The following CNKSR2 variants were observed in gnomAD, a reference collection of about 807,000 sequenced individuals.
The protein encoded by CNKSR2 is connector enhancer of kinase suppressor of Ras 2, also known as CNK homolog protein 2.
A neutral mutation model predicts 84.4 loss-of-function variants in CNKSR2; 14 were observed. The ratio of observed to expected loss-of-function variants is 0.17; its 90% confidence interval spans 0.11 to 0.26. CNKSR2 has a LOEUF of 0.26. Ranked by LOEUF, CNKSR2 falls within the 10% of genes least tolerant of loss-of-function variation. The pLI is 1.00. For missense variants in CNKSR2, 485 were observed against 771.2 expected, an observed-to-expected ratio of 0.63 and a Z score of 4.40; for synonymous variants, 275 against 277.9, an observed-to-expected ratio of 0.99 and a Z score of 0.10.
At chrX:21,566,307 G>C (rs1339193567) in intron 13 of CNKSR2, among the ~76,000 whole-genome samples, 2 of 112,045 alleles carry the variant, frequency 1.8e-5, no homozygotes, top group South Asian at 7.4e-4. Flanking sequence ...ACAATGCTTG[G>C]ACCTTGGAGA....
intron 21 of CNKSR2, among the ~76,000 whole-genome samples, chrX:21,649,909 A>C (rs1435411504): frequency 1.8e-5 from 2 of 112,508 alleles, no homozygotes. Context: ...GGCGATCATT[A>C]AAAAGTCAGG....
chrX:21,617,886 C>G (rs1216650253), intron 20 of CNKSR2, among the ~76,000 whole-genome samples: 1 of 102,084 alleles, frequency 9.8e-6, no homozygotes, highest in African/African-American at 3.6e-5. Context: ...CACACTCACT[C>G]ATACACTGCC....
At chrX:21,642,442 A>T in intron 20 of CNKSR2, 1 of 748,806 alleles carries the variant, frequency 1.3e-6, no homozygotes, top group Non-Finnish European at 1.6e-6. Flanking sequence ...ATGTCTTTCA[A>T]ACTAGCTTCA....
intron 1 of CNKSR2, among the ~76,000 whole-genome samples, chrX:21,389,478 A>T (rs1378299312): frequency 8.9e-6 from 1 of 111,813 alleles, no homozygotes; most frequent in Non-Finnish European, 1.9e-5. Flanking sequence ...TTGTTCAAAT[A>T]AAAAAGTTAC....
chrX:21,488,995 A>C (rs776132107), intron 5 of CNKSR2, among the ~76,000 whole-genome samples: 12 of 111,480 alleles, frequency 1.1e-4, no homozygotes, highest in African/African-American at 3.9e-4. Flanking sequence ...CTCTTTGTTT[A>C]TATAAAAATG....
At chrX:21,472,628 TAGTTCC>T (rs1384620479) in intron 5 of CNKSR2, among the ~76,000 whole-genome samples, 18 of 111,741 alleles carry the variant, frequency 1.6e-4, no homozygotes, top group African/African-American at 5.9e-4. Flanking sequence ...TATGGAGGAA[TAGTTCC>T]AGTTACAAAT....
intron 13 of CNKSR2, among the ~76,000 whole-genome samples, chrX:21,584,899 G>A (rs1383439591): frequency 9.0e-6 from 1 of 110,701 alleles, no homozygotes; most frequent in Non-Finnish European, 1.9e-5. Context: ...ATATAGGAAT[G>A]GCATGATTTA....
At position 21,396,153 on chromosome X, in the gene CNKSR2, C is replaced by G. The variant is rs768732456; in HGVS notation, c.64+21192C>G. ...CCTCTTGGAGAGTCTTAACTATTCA[C>G]ACTGTCTTCTCTGCCTGCCCCTTGG... On this transcript the variant is annotated intron_variant, in intron 1 of 21. Transcript: ENST00000379510. Among the ~76,000 whole-genome samples, 10 of 111,513 alleles carry G rather than the reference C, an allele frequency of 9.0e-5. No homozygotes were observed. In the South Asian group the frequency reaches 3.8e-3, roughly 42 times the overall value.
chrX:21,539,602 G>A (rs973156173), intron 11 of CNKSR2, among the ~76,000 whole-genome samples: 1 of 110,337 alleles, frequency 9.1e-6, no homozygotes, highest in African/African-American at 3.3e-5. Flanking sequence ...ATTGATATCT[G>A]TGCATCTGGT....
chrX:21,488,884 GC>G (rs2091413836), intron 5 of CNKSR2, among the ~76,000 whole-genome samples: 1 of 110,546 alleles, frequency 9.0e-6, no homozygotes, highest in Admixed American at 9.6e-5. Context: ...CTCACAATTT[GC>G]CCACAAGGAA....
rs1381219112 is a variant in CNKSR2 at position 21,590,553 on chromosome X, T to C, written c.1609-19T>C. On this transcript the variant is annotated intron_variant, in intron 13 of 21. Transcript: ENST00000379510. ...ACACCCTGAGTATCAGATAACATTC[T>C]TTTTATCTTTGATTTCAGACATTTC... 8.3e-7 allele frequency: 1 copy of C among 1,200,344 alleles called. No homozygotes were observed. The highest frequency in any genetic ancestry group is 1.1e-6 in the Non-Finnish European group (1 of 886,840).
chrX:21,388,827 T>G (rs1299152658), intron 1 of CNKSR2, among the ~76,000 whole-genome samples: 1 of 110,830 alleles, frequency 9.0e-6, no homozygotes, highest in Non-Finnish European at 1.9e-5. Flanking sequence ...GTGACTTGTT[T>G]CCAGAGAGTA....
chrX:21,652,621 T>C lies in CNKSR2; in HGVS notation c.*100T>C. Reference sequence around the variant, plus strand: ...GTGTGGAACACTTGACAAGCTATACTTTAATGTTACCAAACTATATGAAAC... The same window carrying C: ...GTGTGGAACACTTGACAAGCTATACCTTAATGTTACCAAACTATATGAAAC... On this transcript the variant is annotated 3_prime_UTR_variant, in exon 22 of 22. Transcript: ENST00000379510. 1 of 603,763 alleles carries C rather than the reference T, an allele frequency of 1.7e-6. No homozygotes were observed. Among genetic ancestry groups the C allele is most frequent in the East Asian group, 3.4e-5 (1 of 29,444 alleles). 49.8% of individuals were successfully genotyped at this position (603,763 alleles called of 1,213,427 possible). A position where few individuals can be genotyped will look rare whatever the true frequency, so the allele number is the denominator to read the frequency against.
rs781721463 is a variant in CNKSR2, at chrX:21,531,856, G to A, written c.1092G>A (p.Arg364=). 1 of 1,186,573 alleles carries A rather than the reference G, an allele frequency of 8.4e-7. No individual in the cohort carries two copies. The highest frequency in any genetic ancestry group is 1.1e-6 in the Non-Finnish European group (1 of 875,208). ...PPPPAEPYIP[R]DEKGNLPCED... is the part of the protein sequence containing the mutation. Reference sequence around the variant, plus strand: ...CTCCTTTACTCTAACCTTTCTTTAGGGATGAAAAAGGAAACCTTCCTTGTG... The same window carrying A: ...CTCCTTTACTCTAACCTTTCTTTAGAGATGAAAAAGGAAACCTTCCTTGTG... The change falls in exon 11 of 22, where the codon AGG becomes AGA. Residue 364 remains arginine (R), a splice_region_variant and synonymous_variant. Coordinates refer to ENST00000379510, the MANE Select transcript of CNKSR2 (RefSeq NM_014927.5).
At chrX:21,382,941 C>A (rs2146948352) in intron 1 of CNKSR2, among the ~76,000 whole-genome samples, 1 of 112,025 alleles carries the variant, frequency 8.9e-6, no homozygotes, top group Non-Finnish European at 1.9e-5. Flanking sequence ...ACAGGTGCCT[C>A]AAGTGGATTT....
chrX:21,549,021 A>T (rs1381881526), intron 11 of CNKSR2, among the ~76,000 whole-genome samples: 1 of 112,667 alleles, frequency 8.9e-6, no homozygotes, highest in East Asian at 2.8e-4. Context: ...TAAGACAAGG[A>T]TGCCCTCTCT....
chrX:21,429,961 T>G (rs1313869682), intron 2 of CNKSR2, among the ~76,000 whole-genome samples: 1 of 112,136 alleles, frequency 8.9e-6, no homozygotes, highest in Non-Finnish European at 1.9e-5. Flanking sequence ...AATTAATCTC[T>G]TTTGTTAAAA....
At chrX:21,490,739 A>C in intron 6 of CNKSR2, 161 bp downstream of exon 6, 1 of 388,811 alleles carries the variant, frequency 2.6e-6, no homozygotes. Flanking sequence ...TTTGTGATGC[A>C]TGATAAGAAG....
At chrX:21,568,111 A>T (rs1194637154) in intron 13 of CNKSR2, among the ~76,000 whole-genome samples, 1 of 110,860 alleles carries the variant, frequency 9.0e-6, no homozygotes, top group Non-Finnish European at 1.9e-5. Flanking sequence ...AACATGTCAA[A>T]ACCCCATCTC....
Sources: allele counts gnomAD v4.1 joint callset (sites outside exome capture counted in the v4.1 genomes callset), GRCh38; gene constraint gnomAD v4.1.1; transcripts MANE v1.5; gene names NCBI Gene and HGNC (gene_info 2026-07-23, HGNC 2026-07-21).